Variants in CHM observed in about 807,000 individuals in gnomAD.
The protein encoded by CHM is rab proteins geranylgeranyltransferase component A 1.
Under a neutral mutation model 49.0 loss-of-function variants are expected in CHM, and 10 were observed. The observed-to-expected ratio is 0.20, with a 90% CI of 0.13 to 0.35. CHM has a LOEUF of 0.35. Ranked by LOEUF, CHM falls within the 10% of genes least tolerant of loss-of-function variation. The probability of loss-of-function intolerance (pLI) is 1.00; values close to 1 mark genes in which losing one functional copy is unlikely to be tolerated. For synonymous variants in CHM, 184 were observed against 167.5 expected, an observed-to-expected ratio of 1.10 and a Z score of -0.76; for missense variants, 455 against 478.4, an observed-to-expected ratio of 0.95 and a Z score of 0.46.
At chrX:85,963,576 A>G (rs909015998) in intron 5 of CHM, 89 bp downstream of exon 5, 12 of 725,510 alleles carry the variant, frequency 1.7e-5, no homozygotes, top group African/African-American at 4.2e-5. Flanking sequence ...TTACAAAACA[A>G]ATGTTCTGCA....
chrX:85,951,810 G>T (rs1055723510), intron 8 of CHM, among the ~76,000 whole-genome samples: 3 of 112,585 alleles, frequency 2.7e-5, no homozygotes, highest in Non-Finnish European at 5.6e-5. Context: ...TCCTATCACT[G>T]AAGGAGGCAC....
intron 8 of CHM, among the ~76,000 whole-genome samples, chrX:85,927,407 T>C (rs1928159570): frequency 8.9e-6 from 1 of 111,789 alleles, no homozygotes; most frequent in Non-Finnish European, 1.9e-5. Flanking sequence ...CCCATTTTAA[T>C]TGAAGTTAAA....
At chrX:86,018,400 T>C (rs1309511483) in intron 2 of CHM, among the ~76,000 whole-genome samples, 1 of 112,288 alleles carries the variant, frequency 8.9e-6, no homozygotes, top group Admixed American at 9.4e-5. Flanking sequence ...CTGGCAAAGA[T>C]GCAGAGGAAT....
chrX:85,944,168 G>T (rs1397357237), intron 8 of CHM, among the ~76,000 whole-genome samples: 1 of 111,449 alleles, frequency 9.0e-6, no homozygotes, highest in Non-Finnish European at 1.9e-5. Context: ...TTTCTAATAG[G>T]TTGATCCAGG....
chrX:86,034,225 G>T (rs892502291), intron 1 of CHM, among the ~76,000 whole-genome samples: 1 of 111,819 alleles, frequency 8.9e-6, no homozygotes, highest in Admixed American at 9.5e-5. Flanking sequence ...AAAAGTGAAT[G>T]TTTATGCTAG....
chrX:85,930,768 T>C (rs781213029), intron 8 of CHM, among the ~76,000 whole-genome samples: 1 of 112,012 alleles, frequency 8.9e-6, no homozygotes, highest in East Asian at 2.8e-4. Flanking sequence ...TTCAAGTTTA[T>C]TATGTCTTGT....
chrX:85,923,143 T>C (rs907743596), intron 8 of CHM, among the ~76,000 whole-genome samples: 8 of 112,190 alleles, frequency 7.1e-5, no homozygotes, highest in Admixed American at 1.9e-4. Context: ...CTAGGTTCCT[T>C]TCCCGATTCC....
chrX:85,892,329 C>T (rs1197602958), intron 12 of CHM, among the ~76,000 whole-genome samples: 1 of 111,084 alleles, frequency 9.0e-6, no homozygotes, highest in Non-Finnish European at 1.9e-5. Flanking sequence ...CCACTGAAAT[C>T]TCAACTTGAA....
At chrX:86,010,545 T>G (rs1213009609) in intron 2 of CHM, among the ~76,000 whole-genome samples, 1 of 110,478 alleles carries the variant, frequency 9.1e-6, no homozygotes, top group African/African-American at 3.3e-5. Context: ...TCTGTAAGTC[T>G]AAACTTAGAC....
At position 85,885,921 on chromosome X, in the gene CHM, T is replaced by C. The variant is rs777044890; in HGVS notation, c.1511-6858A>G. Among the ~76,000 whole-genome samples the C allele has an allele frequency of 5.4e-5, 6 of 111,783 alleles. No homozygotes were observed. In the East Asian group the frequency reaches 1.7e-3, roughly 31 times the overall value. On this transcript the variant is annotated intron_variant, in intron 12 of 14. Coordinates refer to ENST00000357749, the MANE Select transcript of CHM (RefSeq NM_000390.4). Reference sequence around the variant, plus strand: ...GGAAAATAAGTCACAACAAAATCCATTTAGAGTTAATGATTTTTTAAAAAT... The same window carrying C: ...GGAAAATAAGTCACAACAAAATCCACTTAGAGTTAATGATTTTTTAAAAAT...
chrX:85,999,241 C>T (rs1021787033), intron 2 of CHM, among the ~76,000 whole-genome samples: 1 of 111,319 alleles, frequency 9.0e-6, no homozygotes, highest in Non-Finnish European at 1.9e-5. Context: ...CCAATGTTTT[C>T]ACCTTTTAGG....
intron 3 of CHM, among the ~76,000 whole-genome samples, chrX:85,981,131 A>G (rs1434673766): frequency 9.4e-6 from 1 of 106,877 alleles, no homozygotes; most frequent in African/African-American, 3.5e-5. Context: ...TTATCATCTT[A>G]TATTTGGGCA....
chrX:86,006,045 C>G (rs1217484213), intron 2 of CHM, among the ~76,000 whole-genome samples: 2 of 111,650 alleles, frequency 1.8e-5, no homozygotes, highest in South Asian at 7.6e-4. Context: ...TACACCAGCA[C>G]ATCAAAAAGC....
intron 11 of CHM, among the ~76,000 whole-genome samples, chrX:85,897,315 G>T (rs1226659945): frequency 9.9e-6 from 1 of 100,520 alleles, no homozygotes; most frequent in Non-Finnish European, 2.0e-5. Flanking sequence ...GCGTGTGTGT[G>T]TGTGTGTGTG....
chrX:85,967,654 T>C (rs1028256954), intron 4 of CHM, among the ~76,000 whole-genome samples: 4 of 112,304 alleles, frequency 3.6e-5, no homozygotes, highest in East Asian at 2.8e-4. Flanking sequence ...ACTATCAAAA[T>C]TGATTTCACA....
At chrX:85,910,337 C>A (rs1027793767) in intron 9 of CHM, among the ~76,000 whole-genome samples, 3 of 111,040 alleles carry the variant, frequency 2.7e-5, no homozygotes, top group Non-Finnish European at 5.7e-5. Flanking sequence ...TGTTTTATAA[C>A]CTCAAAAATA....
chrX:85,945,098 T>C (rs771217501), intron 8 of CHM, among the ~76,000 whole-genome samples: 2 of 110,712 alleles, frequency 1.8e-5, no homozygotes, highest in East Asian at 2.9e-4. Context: ...CATGGACACA[T>C]AGAGGGAAAA....
At chrX:85,894,778 C>T (rs1603241993) in intron 11 of CHM, among the ~76,000 whole-genome samples, 1 of 111,627 alleles carries the variant, frequency 9.0e-6, no homozygotes, top group African/African-American at 3.3e-5. Context: ...TCAAAGGATA[C>T]AATTATGACT....
intron 4 of CHM, among the ~76,000 whole-genome samples, chrX:85,973,588 C>A (rs1243732866): frequency 9.0e-6 from 1 of 111,385 alleles, no homozygotes; most frequent in Non-Finnish European, 1.9e-5. Context: ...ACAGTAAACT[C>A]TTGGCATGAA....
Sources: allele counts gnomAD v4.1 joint callset (sites outside exome capture counted in the v4.1 genomes callset), GRCh38; gene constraint gnomAD v4.1.1; transcripts MANE v1.5; gene names NCBI Gene and HGNC (gene_info 2026-07-23, HGNC 2026-07-21).